The following CFAP52 variants were observed in gnomAD, a reference collection of about 807,000 sequenced individuals.
CFAP52 encodes cilia and flagella associated protein 52.
CFAP52 carries 57 observed loss-of-function variants against 70.5 expected under a neutral mutation model. That is an observed-to-expected ratio of 0.81 (90% CI 0.65 to 1.01). CFAP52 has a LOEUF of 1.01. Ranked by LOEUF, CFAP52 falls within the 50% of genes least tolerant of loss-of-function variation. CFAP52 has a pLI of 0.00. For synonymous variants in CFAP52, 267 were observed against 292.5 expected, an observed-to-expected ratio of 0.91 and a Z score of 0.89; for missense variants, 785 against 788.5, an observed-to-expected ratio of 1.00 and a Z score of 0.05.
chr17:9,635,673 C>A, intron 11 of CFAP52, 117 bp downstream of exon 11: 1 of 1,320,654 alleles, frequency 7.6e-7, no homozygotes, highest in Non-Finnish European at 1.0e-6. Flanking sequence ...TAAGGCAACA[C>A]AGTAAAGGGA....
intron 10 of CFAP52, 101 bp from the exon 11 acceptor site, chr17:9,635,304 A>G: frequency 6.6e-7 from 1 of 1,517,494 alleles, no homozygotes; most frequent in Non-Finnish European, 8.9e-7. Context: ...TTAAAAAAAC[A>G]CAAATCAAGC....
At chr17:9,585,624 A>T in intron 1 of CFAP52, 149 bp from the exon 2 acceptor site, 1 of 782,162 alleles carries the variant, frequency 1.3e-6, no homozygotes, top group Non-Finnish European at 2.1e-6. Context: ...TGAGCCCAAG[A>T]CTGCACCATT....
intron 8 of CFAP52, among the ~76,000 whole-genome samples, chr17:9,616,516 C>T (rs1909933167): frequency 7.0e-6 from 1 of 143,088 alleles, no homozygotes; most frequent in African/African-American, 2.7e-5. Flanking sequence ...GGAGGCCTGC[C>T]TGCCTCTGTA....
At chr17:9,635,351 A>C (rs1597795856) in intron 10 of CFAP52, 54 bp from the exon 11 acceptor site, 1 of 1,599,372 alleles carries the variant, frequency 6.3e-7, no homozygotes. Context: ...ATCTTTTCCT[A>C]TCCCTTCAGA....
In CFAP52 at chr17:9,578,783, T is replaced by C. The variant is rs372834641; in HGVS notation, c.70+2018T>C. 3.3e-5 allele frequency among the ~76,000 whole-genome samples: 5 copies of C among 152,292 alleles called. No individual in the cohort carries two copies. The South Asian group carries it at 8.3e-4, about 25-fold the overall frequency. On this transcript the variant is annotated intron_variant, in intron 1 of 13. Transcript: ENST00000352665. ...CTAGTCTCCAATTCCTGACCTCAGGTGATCCACCCGCCTTGGCCTCCCAAA... is the reference window on the plus strand; with the variant it reads ...CTAGTCTCCAATTCCTGACCTCAGGCGATCCACCCGCCTTGGCCTCCCAAA...
At chr17:9,610,951 A>C (rs1031294198) in intron 7 of CFAP52, among the ~76,000 whole-genome samples, 1 of 152,242 alleles carries the variant, frequency 6.6e-6, no homozygotes, top group Non-Finnish European at 1.5e-5. Context: ...TAAAGGAGCA[A>C]CATCTTCACT....
At chr17:9,630,343 C>T (rs1910419548) in intron 9 of CFAP52, among the ~76,000 whole-genome samples, 1 of 149,192 alleles carries the variant, frequency 6.7e-6, no homozygotes, top group African/African-American at 2.5e-5. Context: ...CTTTGGAGGC[C>T]GAGGCGTGAG....
At chr17:9,622,616 G>T (rs1910088433) in intron 8 of CFAP52, among the ~76,000 whole-genome samples, 1 of 151,774 alleles carries the variant, frequency 6.6e-6, no homozygotes, top group Non-Finnish European at 1.5e-5. Context: ...AAGAAAATTT[G>T]GTCCCTGCTT....
Position 9,611,227 on chromosome 17 carries a change from G to C in CFAP52, c.855-1082G>C, listed in dbSNP as rs184005755. On this transcript the variant is annotated intron_variant, in intron 7 of 13. Transcript: ENST00000352665. ...TTACAGAGAGAGTCTGTATCCTAGGGCCTCATTCATGTATATACTTTTTTT... is the reference window on the plus strand; with the variant it reads ...TTACAGAGAGAGTCTGTATCCTAGGCCCTCATTCATGTATATACTTTTTTT... Among the ~76,000 whole-genome samples the C allele has an allele frequency of 4.1e-3, 597 of 146,394 alleles. 2 individuals carry two copies. The highest frequency in any genetic ancestry group is 0.011 in the South Asian group (48 of 4,352).
chr17:9,604,853 C>T (rs1909421331), intron 6 of CFAP52, among the ~76,000 whole-genome samples: 1 of 151,926 alleles, frequency 6.6e-6, no homozygotes, highest in Admixed American at 6.6e-5. Flanking sequence ...TACTCTATGT[C>T]TTATATCAGC....
chr17:9,579,992 A>G (rs1018718871), intron 1 of CFAP52, among the ~76,000 whole-genome samples: 2 of 152,240 alleles, frequency 1.3e-5, no homozygotes, highest in African/African-American at 4.8e-5. Context: ...AACATTTAAT[A>G]AAGTTATAGT....
At chr17:9,600,514 A>ATT (rs1439625706) in intron 6 of CFAP52, among the ~76,000 whole-genome samples, 1 of 152,160 alleles carries the variant, frequency 6.6e-6, no homozygotes, top group East Asian at 1.9e-4. Context: ...AAGTGCTGGG[A>ATT]TTACAGGTGT....
rs1908999962 is a variant in CFAP52, at chr17:9,596,067, A to ATATG, written c.536+1749_536+1750insGTAT. Among the ~76,000 whole-genome samples, 68 of 84,834 alleles carry ATATG rather than the reference A, an allele frequency of 8.0e-4. 5 individuals are homozygous for ATATG. The Admixed American group carries it at 8.7e-3, about 11-fold the overall frequency. The allele number at this position is 84,834 out of a possible 152,430, so 55.7% of individuals were successfully genotyped here. On this transcript the variant is annotated intron_variant, in intron 4 of 13. Transcript: ENST00000352665. ...TAGATATATATGTGTGTGTATATAT[A>ATATG]TATATATATATATATATATATATAT...
intron 10 of CFAP52, among the ~76,000 whole-genome samples, chr17:9,633,552 A>G (rs570032583): frequency 7.9e-5 from 12 of 152,304 alleles, no homozygotes; most frequent in African/African-American, 2.9e-4. Flanking sequence ...GACGTTTACA[A>G]TACAGACATG....
chr17:9,638,578 G>T, intron 11 of CFAP52, 31 bp from the exon 12 acceptor site: 1 of 1,603,192 alleles, frequency 6.2e-7, no homozygotes, highest in South Asian at 1.1e-5. Flanking sequence ...AGAGAAAGTC[G>T]ACTTTCACAG....
At chr17:9,596,956 G>C (rs547762556) in intron 4 of CFAP52, among the ~76,000 whole-genome samples, 175 of 152,068 alleles carry the variant, frequency 1.2e-3, no homozygotes, top group Non-Finnish European at 2.4e-3. Context: ...GACCTCAGGT[G>C]ATCCACCCAC....
intron 3 of CFAP52, 97 bp from the exon 4 acceptor site, chr17:9,594,096 G>GT (rs1185172054): frequency 2.7e-6 from 4 of 1,454,648 alleles, no homozygotes; most frequent in Non-Finnish European, 3.6e-6. Context: ...AACCTGTTGT[G>GT]TTTTTTTCTT....
At chr17:9,632,244 G>GTTT (rs533261862) in intron 9 of CFAP52, among the ~76,000 whole-genome samples, 1 of 146,438 alleles carries the variant, frequency 6.8e-6, no homozygotes. Flanking sequence ...TGCGAGGCAA[G>GTTT]TTTTTTTTTG....
Position 9,600,553 on chromosome 17 carries a change from CTTTG to C in CFAP52, c.753+394_753+397del, listed in dbSNP as rs748312304. Among the ~76,000 whole-genome samples the C allele has an allele frequency of 3.2e-3, 479 of 151,998 alleles. 5 individuals carry two copies. The highest frequency in any genetic ancestry group is 3.9e-3 in the Non-Finnish European group (263 of 67,918). On this transcript the variant is annotated intron_variant, in intron 6 of 13. Coordinates refer to ENST00000352665, the MANE Select transcript of CFAP52 (RefSeq NM_145054.5). ...CCACCATGCCCGGACAAAGCACACA[CTTTG>C]TTTGTTTGTTTGTTTGTTTGTTTTT...
Sources: allele counts gnomAD v4.1 joint callset (sites outside exome capture counted in the v4.1 genomes callset), GRCh38; gene constraint gnomAD v4.1.1; transcripts MANE v1.5; gene names NCBI Gene and HGNC (gene_info 2026-07-23, HGNC 2026-07-21).